Variants in THRB observed in about 807,000 individuals in gnomAD.
THRB encodes the protein nuclear receptor subfamily 1 group A member 2.
THRB carries 12 observed loss-of-function variants against 47.8 expected under a neutral mutation model. That is an observed-to-expected ratio of 0.25 (90% CI 0.16 to 0.41). The LOEUF (loss-of-function observed/expected upper bound fraction) is 0.41, where lower values mean the gene tolerates loss of function less well. Ranked by LOEUF, THRB falls within the 10% of genes least tolerant of loss-of-function variation. The probability of loss-of-function intolerance (pLI) is 1.00; values close to 1 mark genes in which losing one functional copy is unlikely to be tolerated. For synonymous variants in THRB, 218 were observed against 212.2 expected (o/e 1.03, Z -0.24); for missense variants, 348 against 589.2 (o/e 0.59, Z 4.24).
intron 4 of THRB, among the ~76,000 whole-genome samples, chr3:24,191,827 C>G (rs7615226): frequency 2.7e-4 from 41 of 152,214 alleles, no homozygotes; most frequent in Non-Finnish European, 4.7e-4. Flanking sequence ...AAGTAACAAT[C>G]AACACACGAT....
At chr3:24,145,419 C>T (rs983374582) in intron 7 of THRB, among the ~76,000 whole-genome samples, 1 of 152,154 alleles carries the variant, frequency 6.6e-6, no homozygotes, top group Non-Finnish European at 1.5e-5. Flanking sequence ...ACCTCATAGA[C>T]ACTAGTATCT....
chr3:24,273,919 C>A (rs2053620554), intron 3 of THRB, among the ~76,000 whole-genome samples: 1 of 152,018 alleles, frequency 6.6e-6, no homozygotes, highest in Non-Finnish European at 1.5e-5. Flanking sequence ...CTCAGAAAGG[C>A]CTATCCTTTA....
intron 2 of THRB, among the ~76,000 whole-genome samples, chr3:24,313,785 G>C (rs1214548885): frequency 1.3e-5 from 2 of 149,596 alleles, no homozygotes; most frequent in African/African-American, 2.5e-5. Flanking sequence ...TGGTTCAAAG[G>C]CTTTTTTTAA....
chr3:24,256,035 T>C (rs759521322), intron 3 of THRB, among the ~76,000 whole-genome samples: 11 of 152,118 alleles, frequency 7.2e-5, no homozygotes, highest in African/African-American at 1.2e-4. Context: ...AACTCTAATA[T>C]TGAAAAGTCA....
intron 5 of THRB, among the ~76,000 whole-genome samples, chr3:24,155,780 G>A (rs2037734161): frequency 6.6e-6 from 1 of 152,138 alleles, no homozygotes; most frequent in South Asian, 2.1e-4. Flanking sequence ...CATAATGTCA[G>A]CGTTGGATTC....
intron 4 of THRB, among the ~76,000 whole-genome samples, chr3:24,211,852 A>G (rs1273332138): frequency 2.0e-5 from 3 of 152,232 alleles, no homozygotes; most frequent in Admixed American, 2.0e-4. Context: ...CCAGTTTCAG[A>G]GGCAAATTAA....
intron 1 of THRB, among the ~76,000 whole-genome samples, chr3:24,469,047 C>T (rs907271730): frequency 1.3e-5 from 2 of 152,094 alleles, no homozygotes. Flanking sequence ...CAGACACATC[C>T]CCATGGCTTT....
At chr3:24,375,462 T>C (rs2065215634) in intron 1 of THRB, among the ~76,000 whole-genome samples, 1 of 145,138 alleles carries the variant, frequency 6.9e-6, no homozygotes, top group South Asian at 2.1e-4. Context: ...GTTAGACATA[T>C]AATATTAATA....
chr3:24,249,482 C>A (rs2150346231), intron 3 of THRB, among the ~76,000 whole-genome samples: 1 of 152,230 alleles, frequency 6.6e-6, no homozygotes, highest in South Asian at 2.1e-4. Context: ...AACCTTGCCA[C>A]ATCACAAGAA....
chr3:24,299,765 G>GTTTTTTTT (rs1559869214), intron 2 of THRB, among the ~76,000 whole-genome samples: 1 of 46,718 alleles, frequency 2.1e-5, no homozygotes, highest in African/African-American at 1.2e-4. Context: ...GGGGAAGTAT[G>GTTTTTTTT]CTTTTTTATT....
At chr3:24,181,635 C>T (rs780660349) in intron 5 of THRB, among the ~76,000 whole-genome samples, 14 of 152,214 alleles carry the variant, frequency 9.2e-5, no homozygotes, top group Admixed American at 3.3e-4. Context: ...TGACATTTGT[C>T]TTTAGAGCCT....
chr3:24,442,921 G>A (rs1464956032), intron 1 of THRB, among the ~76,000 whole-genome samples: 6 of 152,066 alleles, frequency 3.9e-5, no homozygotes, highest in Admixed American at 1.3e-4. Context: ...GGTGGCTCAC[G>A]TCTATAATCC....
chr3:24,248,370 T>C (rs1332511711), intron 3 of THRB, among the ~76,000 whole-genome samples: 3 of 152,116 alleles, frequency 2.0e-5, no homozygotes, highest in African/African-American at 4.8e-5. Context: ...CCAAGAGATA[T>C]TTGGAAATTT....
intron 1 of THRB, among the ~76,000 whole-genome samples, chr3:24,461,726 A>G (rs538787746): frequency 1.3e-5 from 2 of 152,348 alleles, no homozygotes; most frequent in South Asian, 2.1e-4. Context: ...CTAAATTATA[A>G]AATGACTATG....
intron 9 of THRB, among the ~76,000 whole-genome samples, chr3:24,130,860 G>C (rs1308200619): frequency 6.6e-6 from 1 of 152,126 alleles, no homozygotes; most frequent in African/African-American, 2.4e-5. Context: ...GTGAAAAATT[G>C]GAAATGAACT....
At chr3:24,434,260 C>T (rs1001762410) in intron 1 of THRB, among the ~76,000 whole-genome samples, 1 of 152,042 alleles carries the variant, frequency 6.6e-6, no homozygotes, top group African/African-American at 2.4e-5. Flanking sequence ...TTTAAGGGTC[C>T]ATATAGATTT....
chr3:24,463,260 A>G lies in THRB; in HGVS notation c.-261+31392T>C, dbSNP rs188465313. Among the ~76,000 whole-genome samples the G allele has an allele frequency of 1.4e-3, 214 of 152,260 alleles. 1 individual carries two copies. Among genetic ancestry groups the G allele is most frequent in the Admixed American group, 2.0e-3 (30 of 15,290 alleles). ...TCACACCATCTCATTTCTAAATTTG[A>G]TAACAATCTTTTTATTTTGAGACAG... On this transcript the variant is annotated intron_variant, in intron 1 of 10. Coordinates refer to ENST00000646209, the MANE Select transcript of THRB (RefSeq NM_001354712.2).
chr3:24,312,631 A>C (rs2057832018), intron 2 of THRB, among the ~76,000 whole-genome samples: 1 of 152,176 alleles, frequency 6.6e-6, no homozygotes, highest in Admixed American at 6.5e-5. Context: ...AATAATTTTC[A>C]CATTCTTTTT....
intron 1 of THRB, among the ~76,000 whole-genome samples, chr3:24,402,385 C>T (rs2150091751): frequency 6.6e-6 from 1 of 152,050 alleles, no homozygotes; most frequent in South Asian, 2.1e-4. Context: ...GCCACAAGCT[C>T]TCTAATGCAT....
Sources: gnomAD v4.1 joint callset for allele counts (sites outside exome capture counted in the v4.1 genomes callset) on GRCh38, gnomAD v4.1.1 for gene constraint, MANE v1.5 for transcripts, NCBI Gene and HGNC (gene_info 2026-07-23, HGNC 2026-07-21) for gene names.